The following CDYL variants were observed in gnomAD, a reference collection of about 807,000 sequenced individuals.
The protein encoded by CDYL is chromodomain Y like, also known as chromodomain Y-like protein.
CDYL carries 8 observed loss-of-function variants against 47.3 expected under a neutral mutation model. The ratio of observed to expected loss-of-function variants is 0.17; its 90% confidence interval spans 0.10 to 0.31. The LOEUF is 0.31. Ranked by LOEUF, CDYL falls within the 10% of genes least tolerant of loss-of-function variation. The pLI, the probability that CDYL is intolerant of heterozygous loss-of-function variation, is 1.00. For synonymous variants in CDYL, 266 were observed against 265.0 expected (o/e 1.00, Z -0.04); for missense variants, 471 against 701.4 (o/e 0.67, Z 3.71).
At chr6:4,794,199 G>A (rs1000822841) in intron 1 of CDYL, among the ~76,000 whole-genome samples, 3 of 152,122 alleles carry the variant, frequency 2.0e-5, no homozygotes, top group African/African-American at 7.2e-5. Flanking sequence ...CTTGCGGGGA[G>A]ATAAGAGACA....
At chr6:4,718,602 G>C (rs1428399502) in intron 2 of CDYL, 1 of 149,424 alleles carries the variant, frequency 6.7e-6, no homozygotes, top group East Asian at 2.0e-4. Flanking sequence ...AATCTGAAAA[G>C]TATAAAAAAG....
chr6:4,921,590 G>A (rs572913366), intron 2 of CDYL, among the ~76,000 whole-genome samples: 2 of 152,252 alleles, frequency 1.3e-5, no homozygotes, highest in South Asian at 4.1e-4. Context: ...TGGGTGAGCT[G>A]TAGACTTCCT....
intron 2 of CDYL, among the ~76,000 whole-genome samples, chr6:4,912,341 G>A (rs1418541009): frequency 1.3e-5 from 2 of 152,012 alleles, no homozygotes; most frequent in East Asian, 3.9e-4. Context: ...CTTCTCATTT[G>A]TGTAGACAAC....
At chr6:4,739,411 C>T (rs1757757497) in intron 3 of CDYL, among the ~76,000 whole-genome samples, 1 of 147,442 alleles carries the variant, frequency 6.8e-6, no homozygotes, top group African/African-American at 2.5e-5. Context: ...CCCAGCTACT[C>T]AGGAGGCTGA....
At chr6:4,928,644 T>G (rs1757948265) in intron 2 of CDYL, 1 of 152,136 alleles carries the variant, frequency 6.6e-6, no homozygotes, top group Non-Finnish European at 1.5e-5. Context: ...TTGGATGAAT[T>G]TTCTTTCTTT....
intron 5 of CDYL, among the ~76,000 whole-genome samples, chr6:4,948,848 CGTT>C (rs1477594718): frequency 6.6e-6 from 1 of 152,228 alleles, no homozygotes; most frequent in African/African-American, 2.4e-5. Context: ...AGTGAATAAA[CGTT>C]GTTCAGATGA....
At chr6:4,799,071 A>AT (rs377375806) in intron 1 of CDYL, among the ~76,000 whole-genome samples, 2 of 152,282 alleles carry the variant, frequency 1.3e-5, no homozygotes, top group African/African-American at 4.8e-5. Context: ...AGTGCTGTAC[A>AT]TTTACTTGCA....
chr6:4,724,691 C>G (rs1256188047), intron 2 of CDYL: 1 of 152,086 alleles, frequency 6.6e-6, no homozygotes, highest in African/African-American at 2.4e-5. Context: ...CTTAATGCAG[C>G]GCGTCTGGAA....
chr6:4,717,703 C>CAAAAAAAAAAAAA (rs200835710), intron 2 of CDYL, among the ~76,000 whole-genome samples: 14 of 49,348 alleles, frequency 2.8e-4, no homozygotes, highest in Middle Eastern at 0.015. Context: ...AAGACCCTCA[C>CAAAAAAAAAAAAA]AAAAAAAAAA....
chr6:4,762,053 G>C (rs1353798343), intron 3 of CDYL, among the ~76,000 whole-genome samples: 1 of 152,170 alleles, frequency 6.6e-6, no homozygotes, highest in African/African-American at 2.4e-5. Flanking sequence ...AAGGCGGAGA[G>C]AACAACATGC....
intron 1 of CDYL, among the ~76,000 whole-genome samples, chr6:4,788,586 C>T (rs1449854331): frequency 2.0e-5 from 3 of 150,300 alleles, no homozygotes; most frequent in East Asian, 2.0e-4. Flanking sequence ...CAAATAAGGA[C>T]GTCCCTAGGC....
At chr6:4,826,046 G>A (rs937802083) in intron 1 of CDYL, among the ~76,000 whole-genome samples, 1 of 152,160 alleles carries the variant, frequency 6.6e-6, no homozygotes, top group African/African-American at 2.4e-5. Flanking sequence ...CTGTTAGTGG[G>A]ACGGTCTCAG....
chr6:4,731,765 G>A (rs1757609419), intron 2 of CDYL, among the ~76,000 whole-genome samples: 1 of 151,692 alleles, frequency 6.6e-6, no homozygotes, highest in Non-Finnish European at 1.5e-5. Context: ...AGGTTGCAGT[G>A]AGCCAACATC....
At chr6:4,745,589 A>C (rs538644261) in intron 3 of CDYL, among the ~76,000 whole-genome samples, 1 of 1,894 alleles carries the variant, frequency 5.3e-4, no homozygotes, top group Non-Finnish European at 5.6e-3. Context: ...TAAAAATAAA[A>C]ATTAAAAAAA....
Position 4,758,353 on chromosome 6 carries a change from T to TAA in CDYL, c.186+23510_186+23511insAA, listed in dbSNP as rs1282966175. On this transcript the variant is annotated intron_variant, in intron 3 of 8. Transcript: ENST00000328908. ...GACTCATGTCTTGAAAATAAATAAA[T>TAA]ATATATATATATATATATCTCTTTG... is the stretch of plus-strand genomic sequence containing the variant. Among the ~76,000 whole-genome samples the TAA allele has an allele frequency of 1.5e-3, 195 of 127,290 alleles. 1 individual carries two copies. The highest frequency in any genetic ancestry group is 3.9e-3 in the Middle Eastern group (1 of 258). The allele number at this position is 127,290 out of a possible 152,430, so 83.5% of individuals were successfully genotyped here.
intron 5 of CDYL, among the ~76,000 whole-genome samples, chr6:4,945,150 T>C (rs971392503): frequency 5.3e-5 from 8 of 151,378 alleles, no homozygotes; most frequent in African/African-American, 1.9e-4. Flanking sequence ...AGGACAAGAG[T>C]GGGAAGGCTG....
intron 1 of CDYL, among the ~76,000 whole-genome samples, chr6:4,811,066 G>A (rs1246914207): frequency 6.6e-6 from 1 of 152,152 alleles, no homozygotes; most frequent in Non-Finnish European, 1.5e-5. Context: ...CCATTTACTG[G>A]GAGCTAATGA....
chr6:4,908,369 G>A (rs1184382494), intron 2 of CDYL, among the ~76,000 whole-genome samples: 4 of 152,202 alleles, frequency 2.6e-5, no homozygotes, highest in Admixed American at 2.6e-4. Context: ...TTCATAGATG[G>A]ATAGGTGGTA....
At chr6:4,709,241 G>A (rs140712792) in intron 1 of CDYL, among the ~76,000 whole-genome samples, 191 of 151,972 alleles carry the variant, frequency 1.3e-3, no homozygotes, top group African/African-American at 4.4e-3. Flanking sequence ...TATTGCCCAG[G>A]CTGGAGTGCA....
Sources: allele counts gnomAD v4.1 joint callset (sites outside exome capture counted in the v4.1 genomes callset), GRCh38; gene constraint gnomAD v4.1.1; transcripts MANE v1.5; gene names NCBI Gene and HGNC (gene_info 2026-07-23, HGNC 2026-07-21).